ARAP1: variants seen among roughly 807,000 people sequenced by gnomAD.
The protein encoded by ARAP1 is arf-GAP with Rho-GAP domain, ANK repeat and PH domain-containing protein 1.
In ARAP1, 76 loss-of-function variants were observed where a neutral mutation model predicts 172.2. That is an observed-to-expected ratio of 0.44 (90% CI 0.37 to 0.53). The LOEUF (loss-of-function observed/expected upper bound fraction) is 0.53. ARAP1 is among the 20% of genes least tolerant of loss of function. The probability of loss-of-function intolerance (pLI) is 0.00; values close to 1 mark genes in which losing one functional copy is unlikely to be tolerated. For synonymous variants in ARAP1, 804 were observed against 803.3 expected (o/e 1.00, Z -0.01); for missense variants, 1,686 against 1,977.5 (o/e 0.85, Z 2.80).
At chr11:72,724,033 G>C (rs1222569430) in intron 3 of ARAP1, among the ~76,000 whole-genome samples, 2 of 152,182 alleles carry the variant, frequency 1.3e-5, no homozygotes, top group African/African-American at 4.8e-5. Context: ...TGAGCACAAA[G>C]GTCCTGATAA....
intron 2 of ARAP1, among the ~76,000 whole-genome samples, chr11:72,731,135 C>T (rs142797877): frequency 2.0e-4 from 31 of 152,246 alleles, no homozygotes; most frequent in Non-Finnish European, 3.5e-4. Context: ...CCTCCTAGGA[C>T]GAAAACTAAG....
Position 72,707,335 on chromosome 11 carries a change from C to T in ARAP1, c.1563G>A (p.Leu521=). ...CAGCGATGGCTCCCTGCATGGCCTCCAACCACTGCTCCTTCTCTAGCTCTG... is the reference window on the plus strand; with the variant it reads ...CAGCGATGGCTCCCTGCATGGCCTCTAACCACTGCTCCTTCTCTAGCTCTG... ...ADSELEKEQW[L]EAMQGAIAEA... is the part of the protein sequence containing the mutation. The change falls in exon 12 of 35, where the codon TTG becomes TTA. Residue 521 remains leucine, a synonymous_variant. Coordinates refer to ENST00000393609, the MANE Select transcript of ARAP1 (RefSeq NM_001040118.3). The T allele has an allele frequency of 6.2e-7, 1 of 1,613,614 alleles. No individual in the cohort carries two copies. The highest frequency in any genetic ancestry group is 8.5e-7 in the Non-Finnish European group (1 of 1,179,842).
In ARAP1 at chr11:72,727,137, C is replaced by G. The variant is rs751421099; in HGVS notation, c.-9G>C. 6.4e-7 allele frequency: 1 copy of G among 1,570,116 alleles called. No individual in the cohort carries two copies. Among genetic ancestry groups the G allele is most frequent in the Non-Finnish European group, 8.7e-7 (1 of 1,155,136 alleles). ...TCCCCAGCCTCTGCCATGGTTCCTG[C>G]CAGCGGAGGCCTGACTGGCAGGGCT... On this transcript the variant is annotated 5_prime_UTR_variant, in exon 3 of 35. Coordinates refer to ENST00000393609, the MANE Select transcript of ARAP1 (RefSeq NM_001040118.3).
At chr11:72,727,644 T>A (rs1243302645) in intron 2 of ARAP1, among the ~76,000 whole-genome samples, 3 of 152,044 alleles carry the variant, frequency 2.0e-5, no homozygotes, top group Non-Finnish European at 4.4e-5. Context: ...CCACTGCTGG[T>A]CCCTCCTGCA....
At position 72,707,364 on chromosome 11, in the gene ARAP1, C is replaced by G; in HGVS notation, c.1534G>C (p.Asp512His). 2 of 1,611,908 alleles carry G rather than the reference C, an allele frequency of 1.2e-6. No homozygotes were observed. The highest frequency in any genetic ancestry group is 1.7e-6 in the Non-Finnish European group (2 of 1,178,850). ...CACTGCTCCTTCTCTAGCTCTGAGT[C>G]AGCAGAGAAGCTGGGGACATAGGGG... ...TPYRIFSFSADSELEKEQWLE... is the reference protein window; with the variant it reads ...TPYRIFSFSAHSELEKEQWLE... The change falls in exon 12 of 35, where the codon GAC becomes CAC. Residue 512 changes from aspartate (D) to histidine (H), a missense_variant. Physicochemically the swap from Asp to His is moderately conservative, Grantham distance 81. Around this residue, in one of 5 missense-constraint regions of ARAP1, gnomAD observed 688 missense variants for 856.9 expected, o/e 0.80. Transcript: ENST00000393609.
intron 1 of ARAP1, among the ~76,000 whole-genome samples, chr11:72,733,972 C>T (rs57645446): frequency 0.017 from 2,648 of 152,212 alleles, 93 homozygotes; most frequent in African/African-American, 0.059. Context: ...ACTACAGGTG[C>T]GTATCACCAT....
chr11:72,709,432 G>C (rs1480503484), intron 11 of ARAP1, among the ~76,000 whole-genome samples: 1 of 152,236 alleles, frequency 6.6e-6, no homozygotes, highest in Admixed American at 6.5e-5. Flanking sequence ...TGCCCAGGGA[G>C]AGGGCAGAGG....
At chr11:72,733,643 C>T (rs1230286977) in intron 1 of ARAP1, among the ~76,000 whole-genome samples, 6 of 152,192 alleles carry the variant, frequency 3.9e-5, no homozygotes, top group Non-Finnish European at 8.8e-5. Flanking sequence ...CTGGAACAGT[C>T]AGGTCTGCCA....
chr11:72,693,885 CTA>C lies in ARAP1; in HGVS notation c.3695-82_3695-81del. On this transcript the variant is annotated intron_variant, in intron 27 of 34. Transcript: ENST00000393609. The surrounding 1 kb of genome is among the most constrained non-coding windows in gnomAD (Gnocchi z 4.6). ...AGGCTGGCAGATGGGCACATATCAC[CTA>C]CACATCCCCTGTCCACTCCAACCAT... The C allele has an allele frequency of 6.1e-6, 7 of 1,148,428 alleles. No homozygotes were observed. The highest frequency in any genetic ancestry group is 2.9e-5 in the South Asian group (2 of 68,934). 71.1% of individuals were successfully genotyped at this position (1,148,428 alleles called of 1,614,324 possible). A position where few individuals can be genotyped will look rare whatever the true frequency, so the allele number is the denominator to read the frequency against.
intron 1 of ARAP1, among the ~76,000 whole-genome samples, chr11:72,751,664 G>A (rs1858534722): frequency 6.6e-6 from 1 of 152,046 alleles, no homozygotes; most frequent in Admixed American, 6.5e-5. Context: ...TGTGGGGGAA[G>A]GGACGGTATA....
chr11:72,748,969 T>G (rs549150306), intron 1 of ARAP1, among the ~76,000 whole-genome samples: 1 of 152,048 alleles, frequency 6.6e-6, no homozygotes, highest in African/African-American at 2.4e-5. Context: ...AACCCTGGAG[T>G]GGCCACCCTT....
At chr11:72,696,924 C>T in intron 22 of ARAP1, 59 bp downstream of exon 22, 2 of 1,526,480 alleles carry the variant, frequency 1.3e-6, no homozygotes, top group Non-Finnish European at 1.8e-6. Flanking sequence ...GGGAAGGGCG[C>T]AGGAGTCCGG....
intron 2 of ARAP1, among the ~76,000 whole-genome samples, chr11:72,729,742 ACT>A (rs1857801528): frequency 6.6e-6 from 1 of 151,084 alleles, no homozygotes; most frequent in African/African-American, 2.4e-5. Flanking sequence ...ACACAGCAAG[ACT>A]CTGTCTCTAC....
intron 15 of ARAP1, 142 bp downstream of exon 15, chr11:72,702,763 G>T: frequency 9.3e-7 from 1 of 1,070,900 alleles, no homozygotes; most frequent in Non-Finnish European, 1.3e-6. Context: ...ACACTGACAT[G>T]CAAACCCAAG....
chr11:72,701,537 C>T, intron 16 of ARAP1, 112 bp downstream of exon 16: 1 of 1,416,986 alleles, frequency 7.1e-7, no homozygotes, highest in Non-Finnish European at 9.5e-7. Flanking sequence ...ATCCAGGAAG[C>T]CCTCTAGGGT....
intron 1 of ARAP1, among the ~76,000 whole-genome samples, chr11:72,743,989 C>T (rs2886367): frequency 0.18 from 27,139 of 151,934 alleles, 3,805 homozygotes; most frequent in African/African-American, 0.39. Flanking sequence ...TCCACTCTCA[C>T]GCTCCAACAC....
intron 30 of ARAP1, among the ~76,000 whole-genome samples, chr11:72,689,812 A>T (rs900614): frequency 0.48 from 73,125 of 152,010 alleles, 18,186 homozygotes; most frequent in Middle Eastern, 0.69. Context: ...GCATGGAACA[A>T]TCAGGGCTGC....
chr11:72,701,546 G>T (rs750377435), intron 16 of ARAP1, 103 bp downstream of exon 16: 3 of 1,464,774 alleles, frequency 2.0e-6, no homozygotes, highest in African/African-American at 2.8e-5. Flanking sequence ...GCCCTCTAGG[G>T]TGACTCTGCC....
chr11:72,727,011 C>T lies in ARAP1; in HGVS notation c.118G>A (p.Gly40Ser). 6.2e-7 allele frequency: 1 copy of T among 1,608,642 alleles called. No individual in the cohort carries two copies. Among genetic ancestry groups the T allele is most frequent in the Non-Finnish European group, 8.5e-7 (1 of 1,177,882 alleles). ...TCCATCAGGCGGGTGTCGCTGAGGC[C>T]TTGGCACTCAGTGGCCCACACCAGG... ...HGLVWATECQ[G>S]LSDTRLMDMG... Residue 40 changes from glycine (G) to serine (S), a missense_variant, in exon 3 of 35, where the codon GGC becomes AGC. Physicochemically the swap from Gly to Ser is moderately conservative, Grantham distance 56. This residue lies in a region of ARAP1 where 190 missense variants were observed against 228.6 expected (regional missense o/e 0.83). Transcript: ENST00000393609.
Sources: gnomAD v4.1 joint callset for allele counts (sites outside exome capture counted in the v4.1 genomes callset) on GRCh38, gnomAD v4.1.1 for gene constraint, gnomAD v4.1.1 regional missense constraint, Gnocchi (gnomAD v3.1) non-coding constraint, MANE v1.5 for transcripts, NCBI Gene and HGNC (gene_info 2026-07-23, HGNC 2026-07-21) for gene names.